Variants in SLC4A4 observed in about 807,000 individuals in gnomAD.
The protein encoded by SLC4A4 is electrogenic sodium bicarbonate cotransporter 1.
SLC4A4 carries 27 observed loss-of-function variants against 111.5 expected under a neutral mutation model. The ratio of observed to expected loss-of-function variants is 0.24; its 90% CI spans 0.18 to 0.33. The LOEUF is 0.33. SLC4A4 is among the 10% of genes least tolerant of loss of function. The pLI is 1.00. For synonymous variants in SLC4A4, 443 were observed against 463.4 expected, an observed-to-expected ratio of 0.96 and a Z score of 0.57; for missense variants, 909 against 1,315.5, an observed-to-expected ratio of 0.69 and a Z score of 4.78.
At chr4:71,249,233 T>C (rs189114603) in intron 2 of SLC4A4, among the ~76,000 whole-genome samples, 128 of 152,260 alleles carry the variant, frequency 8.4e-4, no homozygotes, top group African/African-American at 2.8e-3. Flanking sequence ...TCCTGTGTAA[T>C]AGGTAGCGTT....
chr4:71,415,963 C>T (rs573578951), intron 7 of SLC4A4, among the ~76,000 whole-genome samples: 1 of 152,258 alleles, frequency 6.6e-6, no homozygotes, highest in Non-Finnish European at 1.5e-5. Flanking sequence ...TTATTATTCC[C>T]ATTATACAGA....
chr4:71,206,507 T>C (rs1186757045), intron 1 of SLC4A4, among the ~76,000 whole-genome samples: 1 of 152,170 alleles, frequency 6.6e-6, no homozygotes, highest in Admixed American at 6.5e-5. Context: ...CTTCCATAAT[T>C]TTGAGAATTT....
chr4:71,101,222 G>A (rs553451604), intron 2 of SLC4A4, among the ~76,000 whole-genome samples: 2 of 152,198 alleles, frequency 1.3e-5, no homozygotes, highest in South Asian at 4.1e-4. Flanking sequence ...TTGCGCCACT[G>A]CACTCCAGCC....
At chr4:71,528,560 A>G (rs1216866658) in intron 16 of SLC4A4, among the ~76,000 whole-genome samples, 1 of 152,132 alleles carries the variant, frequency 6.6e-6, no homozygotes, top group African/African-American at 2.4e-5. Flanking sequence ...ATCATATACC[A>G]AAACACTTAA....
chr4:71,271,023 A>G (rs1470093148), intron 3 of SLC4A4, among the ~76,000 whole-genome samples: 2 of 152,176 alleles, frequency 1.3e-5, no homozygotes, highest in African/African-American at 2.4e-5. Flanking sequence ...AGCCTAGGTA[A>G]GCATGGTGGC....
intron 7 of SLC4A4, among the ~76,000 whole-genome samples, chr4:71,418,063 T>C (rs1721978381): frequency 6.6e-6 from 1 of 152,232 alleles, no homozygotes; most frequent in East Asian, 1.9e-4. Context: ...TTGACAATTT[T>C]TTTAAAAAAA....
rs76531572 is a variant in SLC4A4, at chr4:71,490,436, T to G, written c.1974+3418T>G. Among the ~76,000 whole-genome samples the G allele has an allele frequency of 5.1e-3, 781 of 151,960 alleles. 5 individuals are homozygous for G. The highest frequency in any genetic ancestry group is 9.0e-3 in the Non-Finnish European group (608 of 67,862). On this transcript the variant is annotated intron_variant, in intron 15 of 25. Coordinates refer to ENST00000264485, the MANE Select transcript of SLC4A4 (RefSeq NM_001098484.3). ...TACTATCCAAACAAGATACAGGACA[T>G]TTCCATCATACCAGAAGGTCCCATG... is the stretch of plus-strand genomic sequence containing the variant.
intron 20 of SLC4A4, among the ~76,000 whole-genome samples, chr4:71,551,944 A>C (rs865823498): frequency 1.3e-5 from 2 of 151,878 alleles, no homozygotes. Context: ...CTGAAAGGGC[A>C]ATATAGTAGA....
intron 3 of SLC4A4, among the ~76,000 whole-genome samples, chr4:71,315,110 A>G (rs1319885760): frequency 1.3e-5 from 2 of 152,184 alleles, no homozygotes; most frequent in Non-Finnish European, 2.9e-5. Context: ...CAAGCTGAAC[A>G]GTAACTATCT....
chr4:71,146,264 G>C (rs1744164491), intron 2 of SLC4A4, among the ~76,000 whole-genome samples: 1 of 152,112 alleles, frequency 6.6e-6, no homozygotes, highest in Non-Finnish European at 1.5e-5. Flanking sequence ...GGTTTTGAGT[G>C]AGTTTCTTAA....
At chr4:71,223,957 C>T (rs536965671) in intron 1 of SLC4A4, among the ~76,000 whole-genome samples, 30 of 152,182 alleles carry the variant, frequency 2.0e-4, no homozygotes, top group Admixed American at 5.9e-4. Flanking sequence ...CTTCACTGTT[C>T]CTCTTCTGCC....
intron 15 of SLC4A4, among the ~76,000 whole-genome samples, chr4:71,493,669 G>GTCCCTCTCTCTTCCTCCC (rs1490569763): frequency 1.6e-4 from 24 of 149,916 alleles, no homozygotes; most frequent in Middle Eastern, 3.4e-3. Flanking sequence ...CTCTTTCTCC[G>GTCCCTCTCTCTTCCTCCC]TCCCTCTCTC....
chr4:71,353,270 G>A (rs1264353292), intron 5 of SLC4A4, among the ~76,000 whole-genome samples: 1 of 152,096 alleles, frequency 6.6e-6, no homozygotes, highest in Non-Finnish European at 1.5e-5. Context: ...ATGTCACTTT[G>A]AGGTATCATC....
chr4:71,536,455 T>TAC, intron 18 of SLC4A4, among the ~76,000 whole-genome samples: 2 of 33,154 alleles, frequency 6.0e-5, no homozygotes, highest in South Asian at 2.8e-3. Context: ...TATACATATA[T>TAC]ACATATATAC....
intron 1 of SLC4A4, among the ~76,000 whole-genome samples, chr4:71,234,460 C>T (rs1199312242): frequency 6.6e-6 from 1 of 152,228 alleles, no homozygotes; most frequent in East Asian, 1.9e-4. Flanking sequence ...GAGTCTCACT[C>T]TTTCGCCCAG....
chr4:71,439,597 A>G (rs1724522657), intron 7 of SLC4A4, among the ~76,000 whole-genome samples: 1 of 151,404 alleles, frequency 6.6e-6, no homozygotes, highest in South Asian at 2.1e-4. Context: ...CTGTTTCTTC[A>G]CCTGGCTACT....
At chr4:71,068,550 C>G (rs1191711533) in intron 1 of SLC4A4, among the ~76,000 whole-genome samples, 1 of 151,474 alleles carries the variant, frequency 6.6e-6, no homozygotes, top group African/African-American at 2.4e-5. Context: ...TCAGGGCAAC[C>G]TTTTTTTCTT....
chr4:71,178,086 A>G (rs1351796034), intron 2 of SLC4A4, among the ~76,000 whole-genome samples: 1 of 152,204 alleles, frequency 6.6e-6, no homozygotes, highest in Admixed American at 6.5e-5. Context: ...ACTACTGGGT[A>G]CATAACGAAA....
At chr4:71,186,435 C>T (rs1161193067), upstream of SLC4A4, among the ~76,000 whole-genome samples, 1 of 152,202 alleles carries the variant, frequency 6.6e-6, no homozygotes, top group African/African-American at 2.4e-5. Context: ...AGCACAGGCT[C>T]TCCCCACTGG....
Sources: allele counts gnomAD v4.1 joint callset (sites outside exome capture counted in the v4.1 genomes callset), GRCh38; gene constraint gnomAD v4.1.1; transcripts MANE v1.5; gene names NCBI Gene and HGNC (gene_info 2026-07-23, HGNC 2026-07-21).